CTNNA3: variants seen among roughly 807,000 people sequenced by gnomAD.
The protein encoded by CTNNA3 is catenin alpha 3.
CTNNA3 carries 76 observed loss-of-function variants against 95.7 expected under a neutral mutation model. The ratio of observed to expected loss-of-function variants is 0.79; its 90% CI spans 0.66 to 0.96. The LOEUF is 0.96. Among genes scored for constraint, CTNNA3 ranks in the 40% least tolerant of loss-of-function variants. CTNNA3 has a pLI of 0.00. For synonymous variants in CTNNA3, 431 were observed against 374.4 expected (o/e 1.15, Z -1.74); for missense variants, 1,191 against 1,089.8 (o/e 1.09, Z -1.31).
chr10:67,255,729 A>G (rs371351775), intron 5 of CTNNA3, among the ~76,000 whole-genome samples: 7 of 152,224 alleles, frequency 4.6e-5, no homozygotes, highest in African/African-American at 1.7e-4. Flanking sequence ...AGGCTGTCGG[A>G]CTTTCCAGTA....
In CTNNA3 at chr10:66,379,318, G is replaced by A. The variant is rs2092818980; in HGVS notation, c.1566C>T (p.Ile522=). 1 of 1,613,966 alleles carries A rather than the reference G, an allele frequency of 6.2e-7. No individual in the cohort carries two copies. Among genetic ancestry groups the A allele is most frequent in the Admixed American group, 1.7e-5 (1 of 59,986 alleles). ...CAGCATCCTGGTCTCTTAAGGCTAT[G>A]ATACACTTGTTGACATCTTCCAAGA... ...SHILEDVNKC[I]IALRDQDADN... Residue 522 remains isoleucine, a synonymous_variant, in exon 12 of 18, where the codon ATC becomes ATT. Transcript: ENST00000433211.
At position 67,510,594 on chromosome 10, in the gene CTNNA3, C is replaced by A. The variant is rs555209259; in HGVS notation, c.579+11248G>T. Among the ~76,000 whole-genome samples the A allele has an allele frequency of 1.6e-4, 25 of 152,126 alleles. No homozygotes were observed. The South Asian group carries it at 5.0e-3, about 30-fold the overall frequency. On this transcript the variant is annotated intron_variant, in intron 5 of 17. Coordinates refer to ENST00000433211, the MANE Select transcript of CTNNA3 (RefSeq NM_013266.4). ...CAGTACCATGCTCTTTTGGTTACTG[C>A]AGCCTTGTAGTATAGTTTGAAGTCA... is the stretch of plus-strand genomic sequence containing the variant.
At chr10:66,294,886 C>CAGAGAGAGAGAGAGAG (rs35664400) in intron 12 of CTNNA3, among the ~76,000 whole-genome samples, 10 of 142,494 alleles carry the variant, frequency 7.0e-5, no homozygotes, top group African/African-American at 2.5e-4. Context: ...ACAGTCAGGA[C>CAGAGAGAGAGAGAGAG]AGAGAGAGAG....
chr10:67,040,055 C>T (rs546907030), intron 7 of CTNNA3, among the ~76,000 whole-genome samples: 97 of 152,132 alleles, frequency 6.4e-4, no homozygotes, highest in Non-Finnish European at 1.2e-3. Flanking sequence ...ACCCATTCAT[C>T]TCTCTCTTTT....
At chr10:67,345,691 C>T (rs1589193750) in intron 5 of CTNNA3, among the ~76,000 whole-genome samples, 2 of 152,108 alleles carry the variant, frequency 1.3e-5, no homozygotes, top group African/African-American at 4.8e-5. Context: ...CTTTTCCCAT[C>T]CCTTTATTTT....
rs1053595230 is a variant in CTNNA3 at position 66,597,660 on chromosome 10, T to C, written c.1374+24032A>G. On this transcript the variant is annotated intron_variant, in intron 10 of 17. Transcript: ENST00000433211. ...CTTGTCACATACAAAGGAACCCTCA[T>C]GAGATTATCAGTTGGTTTTTGTGCA... 7.3e-5 allele frequency among the ~76,000 whole-genome samples: 11 copies of C among 150,340 alleles called. No individual in the cohort carries two copies. The South Asian group carries it at 2.3e-3, about 32-fold the overall frequency.
chr10:66,309,554 G>A (rs2091979140), intron 12 of CTNNA3, among the ~76,000 whole-genome samples: 1 of 151,724 alleles, frequency 6.6e-6, no homozygotes, highest in Non-Finnish European at 1.5e-5. Flanking sequence ...GCCGGGCATG[G>A]TGGCGGGCAC....
At chr10:67,314,980 G>T (rs1032778666) in intron 5 of CTNNA3, among the ~76,000 whole-genome samples, 1 of 152,132 alleles carries the variant, frequency 6.6e-6, no homozygotes, top group African/African-American at 2.4e-5. Context: ...CTTTGTCCTT[G>T]AGATTTCAAG....
chr10:66,987,380 G>A (rs1214372191), intron 7 of CTNNA3, among the ~76,000 whole-genome samples: 2 of 152,134 alleles, frequency 1.3e-5, no homozygotes, highest in African/African-American at 4.8e-5. Context: ...TATATTTGAA[G>A]GTAGAGGTGA....
intron 7 of CTNNA3, among the ~76,000 whole-genome samples, chr10:67,121,083 C>A (rs1859442427): frequency 6.6e-6 from 1 of 151,948 alleles, no homozygotes; most frequent in African/African-American, 2.4e-5. Context: ...AAAAGCATTC[C>A]CTTGAATAAC....
intron 9 of CTNNA3, among the ~76,000 whole-genome samples, chr10:66,717,682 A>G (rs953906409): frequency 1.7e-4 from 26 of 152,138 alleles, no homozygotes; most frequent in African/African-American, 5.8e-4. Context: ...ACCCCATGAG[A>G]TGGTACTCAT....
In CTNNA3 at chr10:66,254,040, G is replaced by A. The variant is rs143184343; in HGVS notation, c.1884+26430C>T. ...TGCTCATCTTGGAAGAGGATGTGGA[G>A]CCTCAGATGCCTTCTCTGCTTTCCC... On this transcript the variant is annotated intron_variant, in intron 13 of 17. Transcript: ENST00000433211. Among the ~76,000 whole-genome samples the A allele has an allele frequency of 9.2e-5, 14 of 152,258 alleles. No individual in the cohort carries two copies. The East Asian group carries it at 2.7e-3, about 30-fold the overall frequency.
rs1382794298 is a variant in CTNNA3, at chr10:65,912,923, G to A, written c.*7407C>T. 1.3e-5 allele frequency: 2 copies of A among 152,056 alleles called. No homozygotes were observed. The highest frequency in any genetic ancestry group is 4.8e-5 in the African/African-American group (2 of 41,400). The allele number at this position is 152,056 out of a possible 1,614,324, so 9.4% of individuals were successfully genotyped here. The stretch of plus-strand genomic sequence containing the variant: ...TATAGCCAAAGCACAAAACTGCTTT[G>A]AACTGGTCATTAATATAATGGGCAG... On this transcript the variant is annotated 3_prime_UTR_variant, in exon 18 of 18. Transcript: ENST00000433211.
At chr10:67,174,720 GA>G in intron 7 of CTNNA3, among the ~76,000 whole-genome samples, 1 of 152,128 alleles carries the variant, frequency 6.6e-6, no homozygotes, top group Non-Finnish European at 1.5e-5. Flanking sequence ...CCAGCTTGTT[GA>G]ATCATCAGCT....
At chr10:67,009,586 G>A (rs1852199631) in intron 7 of CTNNA3, among the ~76,000 whole-genome samples, 3 of 151,716 alleles carry the variant, frequency 2.0e-5, no homozygotes. Context: ...GAGCGAATGG[G>A]TAATTTTTAT....
chr10:66,473,667 C>A (rs1342130786), intron 11 of CTNNA3, among the ~76,000 whole-genome samples: 1 of 151,828 alleles, frequency 6.6e-6, no homozygotes, highest in Non-Finnish European at 1.5e-5. Flanking sequence ...CCTCCTGCCT[C>A]CCCCCACTCC....
At chr10:66,454,206 T>G (rs1353198404) in intron 11 of CTNNA3, among the ~76,000 whole-genome samples, 1 of 152,212 alleles carries the variant, frequency 6.6e-6, no homozygotes, top group African/African-American at 2.4e-5. Flanking sequence ...GATTTAGTCC[T>G]GTGTAACTAG....
chr10:67,362,785 G>A, intron 5 of CTNNA3, among the ~76,000 whole-genome samples: 1 of 103,018 alleles, frequency 9.7e-6, no homozygotes, highest in Non-Finnish European at 2.4e-5. Flanking sequence ...GAAATAAAAG[G>A]CATTCAAATA....
chr10:66,069,572 A>G (rs1449092988), intron 14 of CTNNA3, 83 bp from the exon 15 acceptor site: 7 of 1,050,000 alleles, frequency 6.7e-6, no homozygotes, highest in Middle Eastern at 4.2e-4. Context: ...TAGGATACTC[A>G]TAAAACTTGT....
Sources: gnomAD v4.1 joint callset for allele counts (sites outside exome capture counted in the v4.1 genomes callset) on GRCh38, gnomAD v4.1.1 for gene constraint, MANE v1.5 for transcripts, NCBI Gene and HGNC (gene_info 2026-07-23, HGNC 2026-07-21) for gene names.